Variants in ASPRV1 observed in about 807,000 individuals in gnomAD.
ASPRV1 encodes retroviral-like aspartic protease 1.
In ASPRV1, 7 loss-of-function variants were observed where a neutral mutation model predicts 11.0. That is an observed-to-expected ratio of 0.64 (90% CI 0.36 to 1.20). The LOEUF (loss-of-function observed/expected upper bound fraction) is 1.20. Ranked by LOEUF, ASPRV1 falls within the 50% of genes most tolerant of loss-of-function variation. The probability of loss-of-function intolerance (pLI) is 0.02; values close to 1 mark genes in which losing one functional copy is unlikely to be tolerated. For synonymous variants in ASPRV1, 136 were observed against 138.4 expected (o/e 0.98, Z 0.12); for missense variants, 299 against 320.0 (o/e 0.93, Z 0.50).
At chr2:70,040,615 C>G in the ASPRV1 span, among the ~76,000 whole-genome samples, 1 of 152,154 alleles carries the variant, frequency 6.6e-6, no homozygotes, top group Non-Finnish European at 1.5e-5. Context: ...GCAGGTGGAT[C>G]ATGAGGTCAA....
chr2:69,998,865 C>T, the ASPRV1 span, among the ~76,000 whole-genome samples: 246 of 152,250 alleles, frequency 1.6e-3, 3 homozygotes, highest in Non-Finnish European at 1.5e-3. Flanking sequence ...GGCAGGGCTC[C>T]GGGCATGACT....
the ASPRV1 span, among the ~76,000 whole-genome samples, chr2:70,028,834 C>T: frequency 2.6e-5 from 4 of 152,112 alleles, no homozygotes; most frequent in Admixed American, 1.3e-4. Flanking sequence ...CCCAGCTACT[C>T]GGGAGGCTGA....
chr2:70,031,174 G>C, the ASPRV1 span: 1 of 151,898 alleles, frequency 6.6e-6, no homozygotes, highest in South Asian at 2.1e-4. Flanking sequence ...ATATTTACTG[G>C]TTTTTTTCTA....
the ASPRV1 span, among the ~76,000 whole-genome samples, chr2:69,953,883 T>C: frequency 6.6e-6 from 1 of 151,658 alleles, no homozygotes. Flanking sequence ...AATTTTTTTT[T>C]TTTTTTTGTA....
At chr2:70,006,824 C>G in the ASPRV1 span, among the ~76,000 whole-genome samples, 2 of 152,160 alleles carry the variant, frequency 1.3e-5, no homozygotes, top group Non-Finnish European at 2.9e-5. Flanking sequence ...CTTGACCTAG[C>G]AGGTACATTG....
the ASPRV1 span, among the ~76,000 whole-genome samples, chr2:69,952,404 C>T: frequency 2.0e-5 from 3 of 152,082 alleles, no homozygotes; most frequent in East Asian, 5.8e-4. Flanking sequence ...TACCAGGAGG[C>T]TGAGATGAGG....
chr2:69,944,602 G>A, the ASPRV1 span, among the ~76,000 whole-genome samples: 1 of 152,244 alleles, frequency 6.6e-6, no homozygotes, highest in South Asian at 2.1e-4. Context: ...ATTTTTGCAA[G>A]AGCTGTGCCA....
chr2:69,966,979 T>C, the ASPRV1 span, among the ~76,000 whole-genome samples: 1 of 152,158 alleles, frequency 6.6e-6, no homozygotes, highest in Admixed American at 6.5e-5. Flanking sequence ...AGCCCTTACA[T>C]GTATAGAAAT....
At chr2:70,081,087 T>C in the ASPRV1 span, 2 of 152,074 alleles carry the variant, frequency 1.3e-5, no homozygotes, top group African/African-American at 4.8e-5. Context: ...CCCCAACACA[T>C]TTCTTACATT....
the ASPRV1 span, among the ~76,000 whole-genome samples, chr2:70,040,400 ATTTAT>A: frequency 6.6e-6 from 1 of 152,070 alleles, no homozygotes; most frequent in Admixed American, 6.6e-5. Flanking sequence ...ATTTTTATTC[ATTTAT>A]TTTGAGATGG....
the ASPRV1 span, among the ~76,000 whole-genome samples, chr2:70,071,972 G>A: frequency 6.7e-6 from 1 of 149,550 alleles, no homozygotes; most frequent in Admixed American, 6.7e-5. Flanking sequence ...TTTTTTATGA[G>A]AAAGAGTCTC....
At chr2:69,963,042 T>C (rs929429993), upstream of ASPRV1, 2 of 347,362 alleles carry the variant, frequency 5.8e-6, no homozygotes, top group African/African-American at 4.3e-5. Flanking sequence ...CCCTATGCCA[T>C]GCATCACCCA....
the ASPRV1 span, among the ~76,000 whole-genome samples, chr2:70,046,951 TA>T: frequency 6.6e-6 from 1 of 152,186 alleles, no homozygotes; most frequent in Non-Finnish European, 1.5e-5. Flanking sequence ...GTTTTTAAAA[TA>T]CATACGGAGG....
At chr2:70,034,082 G>A in the ASPRV1 span, among the ~76,000 whole-genome samples, 49 of 150,586 alleles carry the variant, frequency 3.3e-4, no homozygotes, top group Non-Finnish European at 6.2e-4. Flanking sequence ...TGAACCCCGG[G>A]GGGTGGAGCC....
At chr2:70,002,188 C>A in the ASPRV1 span, among the ~76,000 whole-genome samples, 1 of 152,220 alleles carries the variant, frequency 6.6e-6, no homozygotes, top group Admixed American at 6.5e-5. Context: ...ATACCCCCAC[C>A]TTTCCATCTA....
chr2:70,014,591 A>G, the ASPRV1 span: 1 of 152,056 alleles, frequency 6.6e-6, no homozygotes, highest in East Asian at 1.9e-4. Flanking sequence ...ACTTGAGCCT[A>G]GGAGTTCAAG....
At chr2:70,048,051 G>A in the ASPRV1 span, among the ~76,000 whole-genome samples, 2 of 145,286 alleles carry the variant, frequency 1.4e-5, no homozygotes. Context: ...AGAGGTTGCA[G>A]TGAGCCGAGA....
the ASPRV1 span, among the ~76,000 whole-genome samples, chr2:69,977,739 G>C: frequency 6.6e-6 from 1 of 152,188 alleles, no homozygotes; most frequent in Non-Finnish European, 1.5e-5. Context: ...CTAAGATTTG[G>C]ATACAGAAAG....
chr2:69,991,999 C>T, the ASPRV1 span, among the ~76,000 whole-genome samples: 2 of 152,160 alleles, frequency 1.3e-5, no homozygotes, highest in Admixed American at 6.5e-5. Context: ...GATGACCACC[C>T]GTGGGGAACG....
Sources: gnomAD v4.1 joint callset for allele counts (sites outside exome capture counted in the v4.1 genomes callset) on GRCh38, gnomAD v4.1.1 for gene constraint, MANE v1.5 for transcripts, NCBI Gene and HGNC (gene_info 2026-07-23, HGNC 2026-07-21) for gene names.